MTPN: variants seen among roughly 807,000 people sequenced by gnomAD.
MTPN encodes the protein myotrophin.
MTPN carries 2 observed loss-of-function variants against 13.5 expected under a neutral mutation model. That is an observed-to-expected ratio of 0.15 (90% confidence interval 0.06 to 0.47). The LOEUF is 0.47. Among genes scored for constraint, MTPN ranks in the 20% least tolerant of loss-of-function variants. The probability of loss-of-function intolerance (pLI) is 0.97; values close to 1 mark genes in which losing one functional copy is unlikely to be tolerated. For synonymous variants in MTPN, 46 were observed against 51.7 expected (o/e 0.89, Z 0.48); for missense variants, 79 against 137.9 (o/e 0.57, Z 2.14).
intron 3 of MTPN, among the ~76,000 whole-genome samples, chr7:135,939,587 GGCGGGTGCGT>G (rs1252891563): frequency 8.5e-5 from 9 of 105,692 alleles, no homozygotes; most frequent in African/African-American, 1.7e-4. Context: ...GGGGGGGGGG[GGCGGGTGCGT>G]GGGGCGGGTG....
intron 3 of MTPN, among the ~76,000 whole-genome samples, chr7:135,948,469 C>A (rs748512808): frequency 6.8e-6 from 1 of 146,160 alleles, no homozygotes; most frequent in Non-Finnish European, 1.5e-5. Context: ...AAAGAAAAAA[C>A]AAACTAGTTA....
intron 3 of MTPN, among the ~76,000 whole-genome samples, chr7:135,948,319 G>C (rs1191689859): frequency 1.3e-5 from 2 of 152,118 alleles, no homozygotes; most frequent in African/African-American, 2.4e-5. Context: ...ATTTCAAAAA[G>C]AAGAAAATCT....
chr7:135,941,306 C>T (rs1480564734), intron 3 of MTPN, among the ~76,000 whole-genome samples: 1 of 150,036 alleles, frequency 6.7e-6, no homozygotes, highest in Non-Finnish European at 1.5e-5. Context: ...TATGAAGTTA[C>T]AGAACCAGGC....
chr7:135,971,164 G>T (rs528813351), intron 1 of MTPN, among the ~76,000 whole-genome samples: 1 of 152,014 alleles, frequency 6.6e-6, no homozygotes, highest in Non-Finnish European at 1.5e-5. Flanking sequence ...GAGTGTCAAC[G>T]GCAGATGTAA....
chr7:135,950,189 ATT>A (rs1462818206), intron 3 of MTPN, among the ~76,000 whole-genome samples: 2 of 152,142 alleles, frequency 1.3e-5, no homozygotes, highest in Admixed American at 1.3e-4. Flanking sequence ...ACCTCTAACC[ATT>A]TTGCTCGGTA....
rs147139676 is a variant in MTPN at position 135,933,780 on chromosome 7, C to T, written c.271-3768G>A. Among the ~76,000 whole-genome samples the T allele has an allele frequency of 2.2e-4, 34 of 152,234 alleles. No homozygotes were observed. In the East Asian group the frequency reaches 6.4e-3, roughly 29 times the overall value. ...AAATGGTTTGGCTCTGTGTCCCCAC[C>T]CAAATCTCAAGTCAAACTATAATTC... On this transcript the variant is annotated intron_variant, in intron 3 of 3. Transcript: ENST00000393085.
At chr7:135,935,213 G>A (rs1799096423) in intron 3 of MTPN, among the ~76,000 whole-genome samples, 1 of 151,418 alleles carries the variant, frequency 6.6e-6, no homozygotes, top group African/African-American at 2.4e-5. Context: ...TTTAGTTCAG[G>A]TATAAACATT....
intron 1 of MTPN, among the ~76,000 whole-genome samples, chr7:135,961,790 G>A (rs1432940027): frequency 1.3e-5 from 2 of 151,886 alleles, no homozygotes; most frequent in Non-Finnish European, 2.9e-5. Flanking sequence ...TTTGTTTAAT[G>A]GTCAAAAATA....
chr7:135,927,183 G>A lies in MTPN; in HGVS notation c.*2743C>T, dbSNP rs549816805. Reference sequence around the variant, plus strand: ...CATACAGATTTAAAATCCAGTACTTGGGAAAAGATATCAATGAATAAAAGG... The same window carrying A: ...CATACAGATTTAAAATCCAGTACTTAGGAAAAGATATCAATGAATAAAAGG... On this transcript the variant is annotated 3_prime_UTR_variant, in exon 4 of 4. Coordinates refer to ENST00000393085, the MANE Select transcript of MTPN (RefSeq NM_145808.4). 3 of 948,630 alleles carry A rather than the reference G, an allele frequency of 3.2e-6. No individual in the cohort carries two copies. The East Asian group carries it at 8.3e-5, about 26-fold the overall frequency. The allele number at this position is 948,630 out of a possible 1,614,324, so 58.8% of individuals were successfully genotyped here.
At chr7:135,969,102 G>T (rs1799652461) in intron 1 of MTPN, among the ~76,000 whole-genome samples, 1 of 85,822 alleles carries the variant, frequency 1.2e-5, no homozygotes, top group Non-Finnish European at 2.4e-5. Context: ...GGGGGGGGAG[G>T]AGGGAGGGAT....
intron 3 of MTPN, among the ~76,000 whole-genome samples, chr7:135,948,340 AAAC>A (rs548437264): frequency 5.1e-4 from 78 of 152,340 alleles, no homozygotes; most frequent in African/African-American, 1.8e-3. Flanking sequence ...CTTTCATATA[AAAC>A]AACAGCTCTA....
rs928375129 is a variant in MTPN, at chr7:135,927,907, A to T, written c.*2019T>A. 23 of 308,080 alleles carry T rather than the reference A, an allele frequency of 7.5e-5. No homozygotes were observed. Among genetic ancestry groups the T allele is most frequent in the Admixed American group, 3.0e-4 (6 of 19,900 alleles). The allele number at this position is 308,080 out of a possible 1,614,324, so 19.1% of individuals were successfully genotyped here. A position where few individuals can be genotyped will look rare whatever the true frequency, so the allele number is the denominator to read the frequency against. On this transcript the variant is annotated 3_prime_UTR_variant, in exon 4 of 4. Transcript: ENST00000393085. ...GGACAATGCACTCTCTGCAATAGCCAACTACAACAAAACACTTTGAAAGTA... is the reference window on the plus strand; with the variant it reads ...GGACAATGCACTCTCTGCAATAGCCTACTACAACAAAACACTTTGAAAGTA...
intron 3 of MTPN, among the ~76,000 whole-genome samples, chr7:135,937,306 CAAATA>C (rs1799129675): frequency 6.6e-6 from 1 of 151,564 alleles, no homozygotes. Flanking sequence ...AAAAAATTTA[CAAATA>C]AAATCAGGCA....
intron 1 of MTPN, among the ~76,000 whole-genome samples, chr7:135,971,152 T>G (rs1029060501): frequency 6.6e-6 from 1 of 152,152 alleles, no homozygotes; most frequent in Non-Finnish European, 1.5e-5. Flanking sequence ...TCAAACCTAT[T>G]AGAGTGTCAA....
At chr7:135,954,639 C>T (rs970792220) in intron 1 of MTPN, among the ~76,000 whole-genome samples, 2 of 152,088 alleles carry the variant, frequency 1.3e-5, no homozygotes, top group Non-Finnish European at 2.9e-5. Context: ...CTTCTGTGAA[C>T]CAAAAATGTT....
intron 3 of MTPN, among the ~76,000 whole-genome samples, chr7:135,933,454 C>G (rs1799058902): frequency 6.6e-6 from 1 of 152,108 alleles, no homozygotes; most frequent in Admixed American, 6.5e-5. Flanking sequence ...CTTTCTCAAC[C>G]TTCCCATCAC....
At chr7:135,934,029 A>G (rs1205172684) in intron 3 of MTPN, among the ~76,000 whole-genome samples, 1 of 152,142 alleles carries the variant, frequency 6.6e-6, no homozygotes, top group Admixed American at 6.5e-5. Context: ...AAGTTTCCTG[A>G]GGCCTCCCCA....
intron 1 of MTPN, among the ~76,000 whole-genome samples, chr7:135,974,465 C>T (rs146801969): frequency 1.7e-4 from 26 of 152,142 alleles, no homozygotes; most frequent in African/African-American, 6.3e-4. Context: ...GCTATGATCA[C>T]GACACTGCAC....
At chr7:135,961,520 T>C (rs556480639) in intron 1 of MTPN, among the ~76,000 whole-genome samples, 51 of 151,960 alleles carry the variant, frequency 3.4e-4, no homozygotes, top group Admixed American at 5.2e-4. Flanking sequence ...TTGAGATATA[T>C]ACCTTTTTTT....
Sources: gnomAD v4.1 joint callset for allele counts (sites outside exome capture counted in the v4.1 genomes callset) on GRCh38, gnomAD v4.1.1 for gene constraint, MANE v1.5 for transcripts, NCBI Gene and HGNC (gene_info 2026-07-23, HGNC 2026-07-21) for gene names.